The following PCDHGA5 variants were observed in gnomAD, a reference collection of about 807,000 sequenced individuals.
PCDHGA5 encodes protocadherin gamma subfamily A, 5.
In PCDHGA5, 36 loss-of-function variants were observed where a neutral mutation model predicts 56.7. That is an observed-to-expected ratio of 0.64 (90% CI 0.49 to 0.84). PCDHGA5 has a LOEUF of 0.84. PCDHGA5 is among the 40% of genes least tolerant of loss of function. PCDHGA5 has a pLI of 0.00. For missense variants in PCDHGA5, 1,305 were observed against 1,201.5 expected (o/e 1.09, Z -1.27); for synonymous variants, 563 against 520.2 (o/e 1.08, Z -1.12).
intron 1 of PCDHGA5, among the ~76,000 whole-genome samples, chr5:141,449,003 T>A (rs2098622649): frequency 1.3e-5 from 2 of 152,280 alleles, no homozygotes; most frequent in African/African-American, 4.8e-5. Context: ...AAAGCTGTTT[T>A]TTTTAACAGT....
intron 1 of PCDHGA5, chr5:141,411,909 A>T (rs1176626028): frequency 6.6e-6 from 1 of 152,204 alleles, no homozygotes; most frequent in Non-Finnish European, 1.5e-5. Flanking sequence ...TTGCCTTTGC[A>T]CTCAGTCTCT....
chr5:141,494,778 C>CA, intron 1 of PCDHGA5, 29 bp from the exon 2 acceptor site: 1 of 1,614,086 alleles, frequency 6.2e-7, no homozygotes, highest in Non-Finnish European at 8.5e-7. Context: ...CACGGGTACT[C>CA]AGCCCCTTTC....
intron 1 of PCDHGA5, among the ~76,000 whole-genome samples, chr5:141,467,882 C>T (rs1278937609): frequency 6.6e-6 from 1 of 152,036 alleles, no homozygotes; most frequent in East Asian, 1.9e-4. Context: ...TGGTCTCAAA[C>T]TCCTGAGCTC....
chr5:141,422,061 A>G (rs1215523341), intron 1 of PCDHGA5: 3 of 1,612,074 alleles, frequency 1.9e-6, no homozygotes, highest in Non-Finnish European at 2.5e-6. Flanking sequence ...ACGGGGAAGT[A>G]ATGTATTCAT....
intron 1 of PCDHGA5, chr5:141,421,488 G>C: frequency 3.1e-6 from 5 of 1,614,100 alleles, no homozygotes; most frequent in Non-Finnish European, 4.2e-6. Flanking sequence ...GCTTGATCAC[G>C]GCAGGCAGGA....
rs2097527384 is a variant in PCDHGA5 at position 141,432,674 on chromosome 5, A to G, written c.2422-62133A>G. 2 of 1,613,856 alleles carry G rather than the reference A, an allele frequency of 1.2e-6. No homozygotes were observed. The highest frequency in any genetic ancestry group is 4.5e-5 in the East Asian group (2 of 44,840). On this transcript the variant is annotated intron_variant, in intron 1 of 3. Coordinates refer to ENST00000518069, the MANE Select transcript of PCDHGA5 (RefSeq NM_018918.3). The surrounding 1 kb of genome is among the most constrained non-coding windows in gnomAD (Gnocchi z 6.0). ...AGCCCTGCTGGACAGAGACGCGCTCAAGCAGAGCCTCGTAGTGGCCGTCCA... is the reference window on the plus strand; with the variant it reads ...AGCCCTGCTGGACAGAGACGCGCTCGAGCAGAGCCTCGTAGTGGCCGTCCA...
In PCDHGA5 at chr5:141,489,242, TG is replaced by T; in HGVS notation, c.2422-5561del. 6.5e-7 allele frequency: 1 copy of T among 1,534,498 alleles called. No homozygotes were observed. The highest frequency in any genetic ancestry group is 2.3e-5 in the East Asian group (1 of 44,312). On this transcript the variant is annotated intron_variant, in intron 1 of 3. Transcript: ENST00000518069. The surrounding 1 kb of genome is among the most constrained non-coding windows in gnomAD (Gnocchi z 4.5). ...TCTCCACAAAGGGACTTCTGGGTCA[TG>T]GGGCCCAAGACACTCCCACAGCTCG...
At chr5:141,389,170 C>CCCTCT (rs2091633405) in intron 1 of PCDHGA5, 3 of 1,614,006 alleles carry the variant, frequency 1.9e-6, no homozygotes, top group Non-Finnish European at 2.5e-6. Context: ...GGCAAGCCTC[C>CCCTCT]CCTCTCCTCC....
chr5:141,473,974 C>G (rs958240236), intron 1 of PCDHGA5, among the ~76,000 whole-genome samples: 33 of 152,054 alleles, frequency 2.2e-4, no homozygotes, highest in Admixed American at 2.2e-3. Context: ...AAGTCTGAGG[C>G]GGGAGGATCC....
At chr5:141,371,647 A>G (rs759543088) in intron 1 of PCDHGA5, 2 of 1,614,044 alleles carry the variant, frequency 1.2e-6, no homozygotes, top group South Asian at 1.1e-5. Flanking sequence ...ATCCCAGAAT[A>G]CAATGTGACG....
intron 1 of PCDHGA5, among the ~76,000 whole-genome samples, chr5:141,439,208 C>A: frequency 6.6e-6 from 1 of 151,294 alleles, no homozygotes. Flanking sequence ...AAAAAAAATC[C>A]ATATGTGAAA....
intron 1 of PCDHGA5, among the ~76,000 whole-genome samples, chr5:141,452,271 C>A (rs1592214421): frequency 6.6e-6 from 1 of 152,108 alleles, no homozygotes. Flanking sequence ...TTTCTTGAAC[C>A]CTTTCTTACT....
At chr5:141,419,124 T>A in intron 1 of PCDHGA5, 1 of 1,613,798 alleles carries the variant, frequency 6.2e-7, no homozygotes, top group Non-Finnish European at 8.5e-7. Context: ...AACGTCACCA[T>A]CGCAGCCACA....
At chr5:141,456,593 G>C (rs917316601) in intron 1 of PCDHGA5, among the ~76,000 whole-genome samples, 2 of 152,168 alleles carry the variant, frequency 1.3e-5, no homozygotes, top group African/African-American at 4.8e-5. Flanking sequence ...CAATAATTTT[G>C]ATTTGATTTT....
chr5:141,496,737 C>T (rs900394639), intron 2 of PCDHGA5, among the ~76,000 whole-genome samples: 9 of 152,168 alleles, frequency 5.9e-5, no homozygotes, highest in African/African-American at 2.2e-4. Context: ...TTCATTCGTT[C>T]ATTTATTCAA....
At position 141,365,321 on chromosome 5, in the gene PCDHGA5, G is replaced by T. The variant is rs552296703; in HGVS notation, c.991G>T (p.Ala331Ser). ...GGATGGAGGCGCTCTTGTTGCCAGC[G>T]CTAAGGTGGTGGTCACAGTACAGGA... The part of the protein sequence containing the change: ...AQDGGALVAS[A>S]KVVVTVQDVN... The change falls in exon 1 of 4, where the codon GCT becomes TCT. Residue 331 changes from alanine to serine, a missense_variant. By Grantham distance (99) the Ala-to-Ser change is moderately conservative. Transcript: ENST00000518069. 6.8e-6 allele frequency: 11 copies of T among 1,613,946 alleles called. No homozygotes were observed. In the African/African-American group the frequency reaches 1.3e-4, roughly 20 times the overall value.
chr5:141,399,631 T>A lies in PCDHGA5; in HGVS notation c.2421+32880T>A, dbSNP rs1251761184. On this transcript the variant is annotated intron_variant, in intron 1 of 3. Transcript: ENST00000518069. ...GCCTCTGGCACTGGCCTCTTACGTGTCCATGAGCGCGCAAAGTGGGGTGGT... is the reference window on the plus strand; with the variant it reads ...GCCTCTGGCACTGGCCTCTTACGTGACCATGAGCGCGCAAAGTGGGGTGGT... 31 of 1,613,746 alleles carry A rather than the reference T, an allele frequency of 1.9e-5. No homozygotes were observed. The highest frequency in any genetic ancestry group is 2.4e-5 in the Non-Finnish European group (28 of 1,179,892).
chr5:141,416,169 TAA>T (rs1350204040), intron 1 of PCDHGA5: 1 of 152,706 alleles, frequency 6.5e-6, no homozygotes, highest in African/African-American at 2.4e-5. Flanking sequence ...TTGAATATAC[TAA>T]GTTTTTCATT....
intron 1 of PCDHGA5, among the ~76,000 whole-genome samples, chr5:141,461,151 C>A (rs1424467673): frequency 6.6e-6 from 1 of 152,022 alleles, no homozygotes; most frequent in African/African-American, 2.4e-5. Context: ...TGGGTAGATA[C>A]CCAATAGTGG....
Sources: allele counts gnomAD v4.1 joint callset (sites outside exome capture counted in the v4.1 genomes callset), GRCh38; gene constraint gnomAD v4.1.1; non-coding constraint Gnocchi (gnomAD v3.1); transcripts MANE v1.5; gene names NCBI Gene and HGNC (gene_info 2026-07-23, HGNC 2026-07-21).